The following PCDHA4 variants were observed in gnomAD, a reference collection of about 807,000 sequenced individuals.
The protein encoded by PCDHA4 is protocadherin alpha-4.
Under a neutral mutation model 61.4 loss-of-function variants are expected in PCDHA4, and 49 were observed. The ratio of observed to expected loss-of-function variants is 0.80; its 90% CI spans 0.63 to 1.01. The LOEUF (loss-of-function observed/expected upper bound fraction) is 1.01. Among genes scored for constraint, PCDHA4 ranks in the 50% least tolerant of loss-of-function variants. The pLI is 0.00. For missense variants in PCDHA4, 1,254 were observed against 1,235.8 expected, an observed-to-expected ratio of 1.01 and a Z score of -0.22; for synonymous variants, 590 against 550.3, an observed-to-expected ratio of 1.07 and a Z score of -1.01.
At chr5:140,929,316 C>G in intron 1 of PCDHA4, 1 of 1,556,954 alleles carries the variant, frequency 6.4e-7, no homozygotes, top group Non-Finnish European at 8.7e-7. Flanking sequence ...ACGCTAATGT[C>G]AATGCCATGG....
intron 3 of PCDHA4, among the ~76,000 whole-genome samples, chr5:141,002,755 T>A (rs894161079): frequency 1.3e-5 from 2 of 152,174 alleles, no homozygotes; most frequent in Non-Finnish European, 2.9e-5. Context: ...GACAACCCTG[T>A]GATGTAGACA....
chr5:141,002,135 G>A (rs1265359430), intron 3 of PCDHA4, among the ~76,000 whole-genome samples: 1 of 152,236 alleles, frequency 6.6e-6, no homozygotes, highest in African/African-American at 2.4e-5. Flanking sequence ...AGCCTTTGCC[G>A]GCTGCACTGA....
rs2150311010 is a variant in PCDHA4 at position 140,841,095 on chromosome 5, A to G, written c.2385+31523A>G. On this transcript the variant is annotated intron_variant, in intron 1 of 3. Transcript: ENST00000530339. ...ATAGAAAGTGCATAGAAGAACCCAGATATTGCGGAAGTAATTCATGTAATC... is the reference window on the plus strand; with the variant it reads ...ATAGAAAGTGCATAGAAGAACCCAGGTATTGCGGAAGTAATTCATGTAATC... The G allele has an allele frequency of 8.8e-5, 50 of 569,466 alleles. 1 individual carries two copies. The highest frequency in any genetic ancestry group is 1.5e-4 in the Non-Finnish European group (49 of 329,750). The allele number at this position is 569,466 out of a possible 1,614,324, so 35.3% of individuals were successfully genotyped here. A position where few individuals can be genotyped will look rare whatever the true frequency, so the allele number is the denominator to read the frequency against.
chr5:140,865,419 T>A (rs1327080302), intron 1 of PCDHA4: 2 of 152,314 alleles, frequency 1.3e-5, no homozygotes, highest in African/African-American at 4.8e-5. Flanking sequence ...ATTAGTAGTG[T>A]CTACCTAGAA....
At chr5:140,883,467 C>T in intron 1 of PCDHA4, 1 of 1,614,170 alleles carries the variant, frequency 6.2e-7, no homozygotes, top group Non-Finnish European at 8.5e-7. Flanking sequence ...CTGGTGTCCA[C>T]CTACAAGAAC....
chr5:140,808,336 G>A lies in PCDHA4; in HGVS notation c.1149G>A (p.Gly383=), dbSNP rs1436485012. The change falls in exon 1 of 4, where the codon GGG becomes GGA. Residue 383 remains glycine (G), a synonymous_variant. Coordinates refer to ENST00000530339, the MANE Select transcript of PCDHA4 (RefSeq NM_018907.4). Reference sequence around the variant, plus strand: ...CCGACAAAGACATGGGTGTCAATGGGCTGGTCACCTGCTCCTTGACGTCCC... The same window carrying A: ...CCGACAAAGACATGGGTGTCAATGGACTGGTCACCTGCTCCTTGACGTCCC... ...SVSDKDMGVN[G]LVTCSLTSHV... 6.2e-7 allele frequency: 1 copy of A among 1,614,136 alleles called. No homozygotes were observed. Among genetic ancestry groups the A allele is most frequent in the African/African-American group, 1.3e-5 (1 of 74,958 alleles).
chr5:140,858,149 G>T, intron 1 of PCDHA4: 1 of 1,597,572 alleles, frequency 6.3e-7, no homozygotes, highest in Non-Finnish European at 8.6e-7. Flanking sequence ...CCTGATCATC[G>T]CCATCTGCGC....
At chr5:140,871,450 G>C (rs781785142) in intron 1 of PCDHA4, 1 of 1,608,836 alleles carries the variant, frequency 6.2e-7, no homozygotes, top group Non-Finnish European at 8.5e-7. Flanking sequence ...GAATAAAGAG[G>C]AGGAAGGGGA....
At chr5:141,006,950 T>G (rs1169196116) in intron 3 of PCDHA4, among the ~76,000 whole-genome samples, 1 of 152,148 alleles carries the variant, frequency 6.6e-6, no homozygotes, top group African/African-American at 2.4e-5. Flanking sequence ...AGATAGGCAG[T>G]TATACATGAG....
intron 1 of PCDHA4, chr5:140,858,049 G>C (rs181372488): frequency 6.3e-7 from 1 of 1,597,448 alleles, no homozygotes. Flanking sequence ...TGCTTGTGTC[G>C]CTTGTGGAGG....
At chr5:140,831,362 A>ATG (rs2150193991) in intron 1 of PCDHA4, 80,403 of 149,344 alleles carry the variant, frequency 0.54, 21,753 homozygotes, top group Middle Eastern at 0.63. Flanking sequence ...ACTATTTTGT[A>ATG]TGTGTGTGTG....
At chr5:140,909,709 A>G (rs2153511702) in intron 1 of PCDHA4, among the ~76,000 whole-genome samples, 1 of 152,294 alleles carries the variant, frequency 6.6e-6, no homozygotes, top group Non-Finnish European at 1.5e-5. Context: ...GCTGCTAAGT[A>G]TACCTATGCC....
chr5:140,931,175 G>A (rs1321525314), intron 1 of PCDHA4, among the ~76,000 whole-genome samples: 2 of 152,138 alleles, frequency 1.3e-5, no homozygotes, highest in Non-Finnish European at 2.9e-5. Flanking sequence ...TAATTTTAGG[G>A]AAGGAAATTG....
chr5:140,921,002 C>T (rs909094860), intron 1 of PCDHA4, among the ~76,000 whole-genome samples: 4 of 151,934 alleles, frequency 2.6e-5, no homozygotes, highest in Admixed American at 6.6e-5. Context: ...TTTTCAGAGT[C>T]AGGGTCTTGC....
rs138396244 is a variant in PCDHA4 at position 140,808,284 on chromosome 5, G to C, written c.1097G>C (p.Gly366Ala). 1.6e-4 allele frequency: 256 copies of C among 1,614,256 alleles called. 1 individual carries two copies. In the African/African-American group the frequency reaches 2.7e-3, roughly 17 times the overall value. ...SLPIREDAPL[G>A]TVIALISVSD... ...CCAATTAGAGAGGACGCTCCACTGG[G>C]TACAGTCATCGCCCTGATCAGCGTG... Residue 366 changes from glycine to alanine, a missense_variant, in exon 1 of 4, where the codon GGT becomes GCT. Coordinates refer to ENST00000530339, the MANE Select transcript of PCDHA4 (RefSeq NM_018907.4).
intron 1 of PCDHA4, among the ~76,000 whole-genome samples, chr5:140,911,564 CTT>C (rs1188784239): frequency 6.6e-6 from 1 of 152,226 alleles, no homozygotes. Flanking sequence ...TCTTTCATCA[CTT>C]TGTCCAGTGA....
intron 1 of PCDHA4, among the ~76,000 whole-genome samples, chr5:140,831,452 T>G (rs1554133237): frequency 6.6e-6 from 1 of 150,554 alleles, no homozygotes; most frequent in African/African-American, 2.4e-5. Context: ...CTCGAATGCC[T>G]GGGCTCAAGT....
At chr5:140,915,466 T>C (rs2077134247) in intron 1 of PCDHA4, among the ~76,000 whole-genome samples, 1 of 152,176 alleles carries the variant, frequency 6.6e-6, no homozygotes, top group South Asian at 2.1e-4. Context: ...AGGTTTTTAT[T>C]TGAAGGAGCT....
chr5:140,982,488 G>C lies in PCDHA4; in HGVS notation c.2458G>C (p.Glu820Gln), dbSNP rs782419098. 3 of 1,614,212 alleles carry C rather than the reference G, an allele frequency of 1.9e-6. No individual in the cohort carries two copies. Among genetic ancestry groups the C allele is most frequent in the Non-Finnish European group, 2.5e-6 (3 of 1,180,036 alleles). The change falls in exon 3 of 4, where the codon GAG becomes CAG. Residue 820 changes from glutamate to glutamine, a missense_variant. Glu to Gln is a conservative substitution (Grantham distance 29). Coordinates refer to ENST00000530339, the MANE Select transcript of PCDHA4 (RefSeq NM_018907.4). ...RAGMHSSVHLEEAGILRAGPG... is the reference protein window; with the variant it reads ...RAGMHSSVHLQEAGILRAGPG... The stretch of plus-strand genomic sequence containing the variant: ...GTGTTTATTCAGCTCTGTGCACCTA[G>C]AGGAGGCTGGCATTCTACGGGCTGG...
Sources: gnomAD v4.1 joint callset for allele counts (sites outside exome capture counted in the v4.1 genomes callset) on GRCh38, gnomAD v4.1.1 for gene constraint, MANE v1.5 for transcripts, NCBI Gene and HGNC (gene_info 2026-07-23, HGNC 2026-07-21) for gene names.